The following CASQ2 variants were observed in gnomAD, a reference collection of about 807,000 sequenced individuals.
CASQ2 encodes calsequestrin-2.
CASQ2 carries 49 observed loss-of-function variants against 46.5 expected under a neutral mutation model. The observed-to-expected ratio is 1.05, with a 90% CI of 0.84 to 1.34. CASQ2 has a LOEUF of 1.34. Among genes scored for constraint, CASQ2 ranks in the 40% most tolerant of loss-of-function variants. The pLI is 0.00. For synonymous variants in CASQ2, 174 were observed against 168.5 expected (o/e 1.03, Z -0.25); for missense variants, 486 against 481.3 (o/e 1.01, Z -0.09).
At chr1:115,703,684 C>T (rs567470521) in intron 9 of CASQ2, among the ~76,000 whole-genome samples, 2 of 152,202 alleles carry the variant, frequency 1.3e-5, no homozygotes, top group South Asian at 4.2e-4. Context: ...AGTCCCAGCA[C>T]TTTGGGACTG....
intron 7 of CASQ2, among the ~76,000 whole-genome samples, chr1:115,723,331 A>ATCTG (rs986160067): frequency 2.6e-5 from 4 of 151,768 alleles, no homozygotes; most frequent in Non-Finnish European, 5.9e-5. Flanking sequence ...CTATCTATCT[A>ATCTG]TCTATCATCT....
chr1:115,749,094 T>C (rs1195728167), intron 1 of CASQ2, among the ~76,000 whole-genome samples: 2 of 152,224 alleles, frequency 1.3e-5, no homozygotes, highest in Non-Finnish European at 2.9e-5. Context: ...TCCAAAGTGA[T>C]ATGACACAGT....
chr1:115,706,039 G>A (rs996251982), intron 8 of CASQ2, among the ~76,000 whole-genome samples: 3 of 152,254 alleles, frequency 2.0e-5, no homozygotes, highest in Middle Eastern at 3.4e-3. Flanking sequence ...GTAAGAGATA[G>A]CATACTCTCA....
intron 2 of CASQ2, among the ~76,000 whole-genome samples, chr1:115,743,796 A>G (rs370598705): frequency 2.6e-5 from 4 of 151,388 alleles, no homozygotes; most frequent in African/African-American, 4.8e-5. Context: ...TTCACTGGTC[A>G]TGCAGAAAAA....
intron 7 of CASQ2, among the ~76,000 whole-genome samples, chr1:115,720,964 T>C (rs995983221): frequency 6.6e-6 from 1 of 152,216 alleles, no homozygotes; most frequent in African/African-American, 2.4e-5. Flanking sequence ...GCTTATCAAT[T>C]ACCTACCAAC....
At chr1:115,708,020 ACT>A in intron 8 of CASQ2, among the ~76,000 whole-genome samples, 1 of 152,048 alleles carries the variant, frequency 6.6e-6, no homozygotes, top group East Asian at 1.9e-4. Context: ...TATGGGAAAA[ACT>A]CTCTTAACAT....
intron 4 of CASQ2, among the ~76,000 whole-genome samples, chr1:115,737,284 G>C (rs1434036047): frequency 6.6e-6 from 1 of 152,152 alleles, no homozygotes; most frequent in Non-Finnish European, 1.5e-5. Context: ...GTTAAGTTGG[G>C]GCATGGGAGA....
intron 7 of CASQ2, among the ~76,000 whole-genome samples, chr1:115,718,944 G>A (rs1049334114): frequency 1.3e-5 from 2 of 152,134 alleles, no homozygotes; most frequent in African/African-American, 2.4e-5. Context: ...CGAGTGCATA[G>A]TGATGATGAG....
At chr1:115,735,050 A>G (rs1417427052) in intron 4 of CASQ2, among the ~76,000 whole-genome samples, 2 of 152,238 alleles carry the variant, frequency 1.3e-5, no homozygotes, top group Non-Finnish European at 2.9e-5. Context: ...TGAATGTCCA[A>G]GTTCATGTAC....
chr1:115,759,089 A>G (rs1648853224), intron 1 of CASQ2, among the ~76,000 whole-genome samples: 1 of 152,344 alleles, frequency 6.6e-6, no homozygotes, highest in African/African-American at 2.4e-5. Context: ...ACATTTAAGC[A>G]TAGACCTAAA....
rs375598471 is a variant in CASQ2 at position 115,738,281 on chromosome 1, C to T, written c.475G>A (p.Glu159Lys). ...ISSKLEVQAF[E>K]RIEDYIKLIG... ...AGTTTGATGTAGTCTTCAATGCGTTCGAAGGCTTGGACTTCCAGTTTGCTG... is the reference window on the plus strand; with the variant it reads ...AGTTTGATGTAGTCTTCAATGCGTTTGAAGGCTTGGACTTCCAGTTTGCTG... The change falls in exon 4 of 11, where the codon GAA becomes AAA. Residue 159 changes from glutamate (E) to lysine (K), a missense_variant. Transcript: ENST00000261448. The T allele has an allele frequency of 7.6e-5, 123 of 1,614,018 alleles. No homozygotes were observed. The highest frequency in any genetic ancestry group is 4.5e-4 in the Admixed American group (27 of 60,030).
At position 115,700,177 on chromosome 1, in the gene CASQ2, T is replaced by C. The variant is rs2101051163; in HGVS notation, c.*1064A>G. 6.6e-6 allele frequency: 1 copy of C among 152,412 alleles called. No individual in the cohort carries two copies. Among genetic ancestry groups the C allele is most frequent in the East Asian group, 1.9e-4 (1 of 5,174 alleles). 9.4% of individuals were successfully genotyped at this position (152,412 alleles called of 1,614,324 possible). A position where few individuals can be genotyped will look rare whatever the true frequency, so the allele number is the denominator to read the frequency against. On this transcript the variant is annotated 3_prime_UTR_variant, in exon 11 of 11. Coordinates refer to ENST00000261448, the MANE Select transcript of CASQ2 (RefSeq NM_001232.4). ...TATACTGCACACTTAACACTAAATCTACCAAGCACAATGTAACTTTTAGAC... is the reference window on the plus strand; with the variant it reads ...TATACTGCACACTTAACACTAAATCCACCAAGCACAATGTAACTTTTAGAC...
chr1:115,766,657 A>C (rs1400944678), intron 1 of CASQ2, among the ~76,000 whole-genome samples: 5 of 152,132 alleles, frequency 3.3e-5, no homozygotes, highest in Non-Finnish European at 7.3e-5. Context: ...TCTCCTAATG[A>C]TGCCTCACTC....
At chr1:115,703,074 G>A in intron 9 of CASQ2, 79 bp from the exon 10 acceptor site, 1 of 1,090,992 alleles carries the variant, frequency 9.2e-7, no homozygotes, top group Non-Finnish European at 1.4e-6. Flanking sequence ...TCCCATCACA[G>A]TAACTAGGTC....
intron 1 of CASQ2, among the ~76,000 whole-genome samples, chr1:115,751,019 C>T (rs553679973): frequency 6.8e-6 from 1 of 146,452 alleles, no homozygotes; most frequent in East Asian, 2.0e-4. Context: ...ATCAGAGACC[C>T]GTATTATTGA....
chr1:115,701,404 A>G lies in CASQ2; in HGVS notation c.1037T>C (p.Ile346Thr). The change falls in exon 11 of 11, where the codon ATT (isoleucine) becomes ACT (threonine). Residue 346 changes from isoleucine (I) to threonine (T), a missense_variant. Physicochemically the swap from Ile to Thr is moderately conservative, Grantham distance 89. Transcript: ENST00000261448. ...AGTTGGAAGATCGTCATCATCTGGAATCTCCATCCAGACACTGTCAGCCTG... is the reference window on the plus strand; with the variant it reads ...AGTTGGAAGATCGTCATCATCTGGAGTCTCCATCCAGACACTGTCAGCCTG... ...VTDADSVWME[I>T]PDDDDLPTAE... 2 of 1,612,792 alleles carry G rather than the reference A, an allele frequency of 1.2e-6. No individual in the cohort carries two copies. Among genetic ancestry groups the G allele is most frequent in the Non-Finnish European group, 1.7e-6 (2 of 1,178,792 alleles).
At chr1:115,753,197 T>G (rs867338073) in intron 1 of CASQ2, among the ~76,000 whole-genome samples, 6 of 152,068 alleles carry the variant, frequency 3.9e-5, no homozygotes, top group Admixed American at 6.5e-5. Context: ...GGAGAGGTCC[T>G]GCGTGAGAGG....
At position 115,728,593 on chromosome 1, in the gene CASQ2, AAGG is replaced by A. The variant is rs540216062; in HGVS notation, c.607-1474_607-1472del. On this transcript the variant is annotated intron_variant, in intron 5 of 10. Transcript: ENST00000261448. The stretch of plus-strand genomic sequence containing the variant: ...AGGAACCAGAAGACTGTTTCCATGA[AAGG>A]AGAAGTGATCAGAATGAAAACAGTA... Among the ~76,000 whole-genome samples, 29 of 152,292 alleles carry A rather than the reference AAGG, an allele frequency of 1.9e-4. No individual in the cohort carries two copies. In the East Asian group the frequency reaches 5.4e-3, roughly 28 times the overall value.
At chr1:115,748,791 T>A (rs1648475461) in intron 1 of CASQ2, among the ~76,000 whole-genome samples, 1 of 152,220 alleles carries the variant, frequency 6.6e-6, no homozygotes, top group Admixed American at 6.5e-5. Context: ...TGTTCCCTTG[T>A]ATATCACTCA....
Sources: gnomAD v4.1 joint callset for allele counts (sites outside exome capture counted in the v4.1 genomes callset) on GRCh38, gnomAD v4.1.1 for gene constraint, MANE v1.5 for transcripts, NCBI Gene and HGNC (gene_info 2026-07-23, HGNC 2026-07-21) for gene names.